Variants in TOP3A observed in about 807,000 individuals in gnomAD.
The protein encoded by TOP3A is DNA topoisomerase 3-alpha.
A neutral mutation model predicts 111.3 loss-of-function variants in TOP3A; 64 were observed. The observed-to-expected ratio is 0.57, with a 90% confidence interval of 0.47 to 0.71. The LOEUF (loss-of-function observed/expected upper bound fraction) is 0.71. Ranked by LOEUF, TOP3A falls within the 30% of genes least tolerant of loss-of-function variation. The pLI is 0.00. For synonymous variants in TOP3A, 484 were observed against 485.1 expected, an observed-to-expected ratio of 1.00 and a Z score of 0.03; for missense variants, 1,104 against 1,285.0, an observed-to-expected ratio of 0.86 and a Z score of 2.15.
At position 18,303,724 on chromosome 17, in the gene TOP3A, T is replaced by G. The variant is rs1287341647; in HGVS notation, c.500-1001A>C. ...CCCTCTCCCCACCAACACCCTATAG[T>G]CACACTGCATTCCCCTCCCTGAGAT... On this transcript the variant is annotated intron_variant, in intron 5 of 18. Transcript: ENST00000321105. Among the ~76,000 whole-genome samples the G allele has an allele frequency of 2.0e-5, 3 of 152,136 alleles. No homozygotes were observed. In the East Asian group the frequency reaches 5.8e-4, roughly 29 times the overall value.
In TOP3A at chr17:18,305,128, G is replaced by T. The variant is rs138655866; in HGVS notation, c.483C>A (p.Ile161=). The part of the protein sequence containing the change: ...REGENIGFEI[I]HVCKAVKPNL... ...AGCACTTACCAGCCTTACACACGTG[G>T]ATAATCTCAAACCCGATGTTTTCGC... Residue 161 remains isoleucine, a synonymous_variant, in exon 5 of 19, where the codon ATC becomes ATA. Coordinates refer to ENST00000321105, the MANE Select transcript of TOP3A (RefSeq NM_004618.5). The T allele has an allele frequency of 1.2e-6, 2 of 1,613,988 alleles. No individual in the cohort carries two copies. The highest frequency in any genetic ancestry group is 2.2e-5 in the South Asian group (2 of 91,072).
intron 15 of TOP3A, among the ~76,000 whole-genome samples, 178 bp downstream of exon 15, chr17:18,284,964 C>T (rs925303396): frequency 6.6e-6 from 1 of 152,148 alleles, no homozygotes; most frequent in Non-Finnish European, 1.5e-5. Context: ...GGCCAGGAGG[C>T]CACTGGTGAG....
At chr17:18,299,078 TAA>T (rs142107805) in intron 9 of TOP3A, among the ~76,000 whole-genome samples, 1 of 140,106 alleles carries the variant, frequency 7.1e-6, no homozygotes, top group Admixed American at 7.1e-5. Context: ...AAATTAAAAT[TAA>T]AAAAAAAAAA....
chr17:18,304,114 G>A (rs1286433588), intron 5 of TOP3A, among the ~76,000 whole-genome samples: 3 of 151,864 alleles, frequency 2.0e-5, no homozygotes, highest in Admixed American at 1.3e-4. Flanking sequence ...ACAGGCGCCC[G>A]CCACCACACC....
intron 1 of TOP3A, among the ~76,000 whole-genome samples, chr17:18,309,279 G>C (rs1443071695): frequency 6.6e-6 from 1 of 152,196 alleles, no homozygotes; most frequent in Non-Finnish European, 1.5e-5. Flanking sequence ...AATGTAAAAT[G>C]CTTTGGCCAC....
At chr17:18,291,402 T>G (rs1287067012) in intron 11 of TOP3A, among the ~76,000 whole-genome samples, 1 of 152,236 alleles carries the variant, frequency 6.6e-6, no homozygotes, top group Non-Finnish European at 1.5e-5. Context: ...ATGCACACAT[T>G]TAAGCAGTAA....
Position 18,272,031 on chromosome 17 carries a change from A to C in TOP3A, c.*2771T>G, listed in dbSNP as rs1185520389. 6.6e-6 allele frequency among the ~76,000 whole-genome samples: 1 copy of C among 152,076 alleles called. No individual in the cohort carries two copies. The highest frequency in any genetic ancestry group is 1.9e-4 in the East Asian group (1 of 5,192). On this transcript the variant is annotated 3_prime_UTR_variant, in exon 19 of 19. Transcript: ENST00000321105. ...CAGTGAGCCAAGATCGCACCACTGC[A>C]CTCCAGCCTGGGCACAAGAGCGAAA... is the stretch of plus-strand genomic sequence containing the variant.
At position 18,294,752 on chromosome 17, in the gene TOP3A, T is replaced by A. The variant is rs1567743713; in HGVS notation, c.1024A>T (p.Ile342Leu). 1 of 1,614,150 alleles carries A rather than the reference T, an allele frequency of 6.2e-7. No individual in the cohort carries two copies. Among genetic ancestry groups the A allele is most frequent in the Non-Finnish European group, 8.5e-7 (1 of 1,180,000 alleles). The change falls in exon 10 of 19, where the codon ATA becomes TTA. Residue 342 changes from isoleucine to leucine, a missense_variant. Physicochemically the swap from Ile to Leu is conservative, Grantham distance 5. Coordinates refer to ENST00000321105, the MANE Select transcript of TOP3A (RefSeq NM_004618.5). ...LEKLASRKLR[I>L]NAKETMRIAE... Reference sequence around the variant, plus strand: ...ATCCTCATGGTTTCTTTAGCATTTATTCTCAACTTTCGAGAAGCCAGCTTC... The same window carrying A: ...ATCCTCATGGTTTCTTTAGCATTTAATCTCAACTTTCGAGAAGCCAGCTTC...
At chr17:18,306,643 G>A in intron 4 of TOP3A, 2 of 393,832 alleles carry the variant, frequency 5.1e-6, no homozygotes, top group Non-Finnish European at 9.3e-6. Context: ...TGGGATTACA[G>A]GCATAAACCA....
rs756460846 is a variant in TOP3A at position 18,290,982 on chromosome 17, C to A, written c.1327G>T (p.Ala443Ser). 6.2e-7 allele frequency: 1 copy of A among 1,614,192 alleles called. No individual in the cohort carries two copies. Among genetic ancestry groups the A allele is most frequent in the African/African-American group, 1.3e-5 (1 of 75,046 alleles). ...CCCTGAGCATCCTGGGAGCAGCAAG[C>A]CAGGAAATGGCGAACAATAAACTCG... Reference protein sequence around the residue: ...LYEFIVRHFLACCSQDAQGQE... With the variant: ...LYEFIVRHFLSCCSQDAQGQE... Residue 443 changes from alanine to serine, a missense_variant, in exon 12 of 19, where the codon GCT becomes TCT. By Grantham distance (99) the Ala-to-Ser change is moderately conservative. Transcript: ENST00000321105.
rs777226148 is a variant in TOP3A at position 18,277,665 on chromosome 17, C to T, written c.2827+10G>A. 6 of 1,595,016 alleles carry T rather than the reference C, an allele frequency of 3.8e-6. No individual in the cohort carries two copies. The highest frequency in any genetic ancestry group is 5.1e-6 in the Non-Finnish European group (6 of 1,165,136). On this transcript the variant is annotated intron_variant, in intron 18 of 18. Coordinates refer to ENST00000321105, the MANE Select transcript of TOP3A (RefSeq NM_004618.5). ...GAAGGCAGGGATTCCCATGCCCCTC[C>T]CTGCCTCACCTGGAGCGGTGTTCTC...
chr17:18,309,701 T>C (rs978305486), intron 1 of TOP3A, among the ~76,000 whole-genome samples: 6 of 149,254 alleles, frequency 4.0e-5, no homozygotes, highest in Admixed American at 6.7e-5. Flanking sequence ...TGAAAGTCTA[T>C]AGAAGTTCTT....
At position 18,271,736 on chromosome 17, in the gene TOP3A, C is replaced by T. The variant is rs1979007159; in HGVS notation, c.*3066G>A. ...CAGAAACTATTAAGAACTCCTACAA[C>T]TCAACAACAAAGACAGACAACACAA... On this transcript the variant is annotated 3_prime_UTR_variant, in exon 19 of 19. Transcript: ENST00000321105. 2.3e-6 allele frequency: 1 copy of T among 441,476 alleles called. No individual in the cohort carries two copies. The allele number at this position is 441,476 out of a possible 1,614,324, so 27.3% of individuals were successfully genotyped here. A position where few individuals can be genotyped will look rare whatever the true frequency, so the allele number is the denominator to read the frequency against.
chr17:18,272,280 A>G lies in TOP3A; in HGVS notation c.*2522T>C, dbSNP rs1172200140. On this transcript the variant is annotated 3_prime_UTR_variant, in exon 19 of 19. Transcript: ENST00000321105. The stretch of plus-strand genomic sequence containing the variant: ...GCTATAATACAAGAAAAGGAAAGGA[A>G]CAAGTGTTCACAAGGATATGGAGAA... 6.6e-6 allele frequency among the ~76,000 whole-genome samples: 1 copy of G among 152,198 alleles called. No homozygotes were observed. Among genetic ancestry groups the G allele is most frequent in the East Asian group, 1.9e-4 (1 of 5,198 alleles).
intron 9 of TOP3A, among the ~76,000 whole-genome samples, chr17:18,297,968 A>G (rs1185111418): frequency 5.2e-5 from 7 of 134,886 alleles, no homozygotes; most frequent in South Asian, 2.4e-4. Context: ...CATCCCATCT[A>G]GGAAGTGAGG....
rs951680089 is a variant in TOP3A at position 18,285,131 on chromosome 17, T to C, written c.1877+11A>G. 9 of 1,612,560 alleles carry C rather than the reference T, an allele frequency of 5.6e-6. No homozygotes were observed. The highest frequency in any genetic ancestry group is 5.0e-5 in the Admixed American group (3 of 59,982). On this transcript the variant is annotated intron_variant, in intron 15 of 18. Coordinates refer to ENST00000321105, the MANE Select transcript of TOP3A (RefSeq NM_004618.5). ...TAGTGAGACCCCTCTGTATTTCTTTTAAGGACTTACTTCTTTGCTTTAGCC... is the reference window on the plus strand; with the variant it reads ...TAGTGAGACCCCTCTGTATTTCTTTCAAGGACTTACTTCTTTGCTTTAGCC...
rs1979124120 is a variant in TOP3A at position 18,273,478 on chromosome 17, A to G, written c.*1324T>C. On this transcript the variant is annotated 3_prime_UTR_variant, in exon 19 of 19. Coordinates refer to ENST00000321105, the MANE Select transcript of TOP3A (RefSeq NM_004618.5). Reference sequence around the variant, plus strand: ...TGGAAAGGGAGGAAGGGCTCTCCACATGGGACACAAGGGACAGCCATGAAG... The same window carrying G: ...TGGAAAGGGAGGAAGGGCTCTCCACGTGGGACACAAGGGACAGCCATGAAG... 6.6e-6 allele frequency: 1 copy of G among 152,208 alleles called. No homozygotes were observed. Among genetic ancestry groups the G allele is most frequent in the Non-Finnish European group, 1.5e-5 (1 of 68,052 alleles). 9.4% of individuals were successfully genotyped at this position (152,208 alleles called of 1,614,324 possible).
At chr17:18,298,080 G>A (rs1597976377) in intron 9 of TOP3A, among the ~76,000 whole-genome samples, 3 of 148,784 alleles carry the variant, frequency 2.0e-5, no homozygotes, top group Admixed American at 6.7e-5. Flanking sequence ...CTGCCGCCCC[G>A]TCTGGGATGT....
intron 12 of TOP3A, 68 bp downstream of exon 12, chr17:18,290,774 C>T: frequency 3.1e-6 from 5 of 1,591,492 alleles, no homozygotes; most frequent in Admixed American, 3.4e-5. Flanking sequence ...CATGATCCTG[C>T]TCCACTAGAG....
Sources: allele counts gnomAD v4.1 joint callset (sites outside exome capture counted in the v4.1 genomes callset), GRCh38; gene constraint gnomAD v4.1.1; transcripts MANE v1.5; gene names NCBI Gene and HGNC (gene_info 2026-07-23, HGNC 2026-07-21).